The following WWOX variants were observed in gnomAD, a reference collection of about 807,000 sequenced individuals.
WWOX encodes WW domain containing oxidoreductase, also known as WW domain-containing oxidoreductase.
In WWOX, 69 loss-of-function variants were observed where a neutral mutation model predicts 46.2. That is an observed-to-expected ratio of 1.49 (90% CI 1.23 to 1.82). The LOEUF (loss-of-function observed/expected upper bound fraction) is 1.82. Among genes scored for constraint, WWOX ranks in the 40% most tolerant of loss-of-function variants. The pLI, the probability that WWOX is intolerant of heterozygous loss-of-function variation, is 0.00. For synonymous variants in WWOX, 359 were observed against 202.6 expected, an observed-to-expected ratio of 1.77 and a Z score of -6.56; for missense variants, 919 against 542.6, an observed-to-expected ratio of 1.69 and a Z score of -6.89.
intron 8 of WWOX, among the ~76,000 whole-genome samples, chr16:78,621,385 C>T (rs915927665): frequency 2.6e-5 from 4 of 152,120 alleles, no homozygotes; most frequent in East Asian, 3.9e-4. Flanking sequence ...CTTACCTCCT[C>T]ATCCTCACCC....
intron 8 of WWOX, among the ~76,000 whole-genome samples, chr16:79,034,477 G>A (rs1476745888): frequency 2.6e-5 from 4 of 152,134 alleles, no homozygotes; most frequent in African/African-American, 9.7e-5. Context: ...TGCATCTTTT[G>A]GGGGCTCTGT....
At chr16:79,152,078 T>G (rs936614158) in intron 8 of WWOX, among the ~76,000 whole-genome samples, 10 of 152,220 alleles carry the variant, frequency 6.6e-5, no homozygotes, top group Non-Finnish European at 1.3e-4. Flanking sequence ...TTGTTAAATT[T>G]CCTCTAATAC....
Position 79,022,966 on chromosome 16 carries a change from G to A in WWOX, c.1057-188642G>A, listed in dbSNP as rs184633596. On this transcript the variant is annotated intron_variant, in intron 8 of 8. Coordinates refer to ENST00000566780, the MANE Select transcript of WWOX (RefSeq NM_016373.4). ...TAATACCTATGGCATAGGGTTTGGG[G>A]AGGATTAAATAAGATAATGTAAATA... Among the ~76,000 whole-genome samples, 5 of 152,250 alleles carry A rather than the reference G, an allele frequency of 3.3e-5. No individual in the cohort carries two copies. The East Asian group carries it at 7.7e-4, about 24-fold the overall frequency.
At chr16:79,028,756 T>G (rs2047695681) in intron 8 of WWOX, among the ~76,000 whole-genome samples, 1 of 151,866 alleles carries the variant, frequency 6.6e-6, no homozygotes, top group South Asian at 2.1e-4. Flanking sequence ...TATAATTTAT[T>G]TTCTTTACAT....
chr16:78,845,415 A>T (rs747957765), intron 8 of WWOX, among the ~76,000 whole-genome samples: 6 of 152,184 alleles, frequency 3.9e-5, no homozygotes, highest in Non-Finnish European at 7.3e-5. Context: ...AACCCTTTTT[A>T]GGAGCGGCCT....
At chr16:78,602,833 A>C (rs1400116021) in intron 8 of WWOX, among the ~76,000 whole-genome samples, 1 of 152,206 alleles carries the variant, frequency 6.6e-6, no homozygotes, top group Non-Finnish European at 1.5e-5. Flanking sequence ...TCCATTTTAC[A>C]GATAAGAAAA....
chr16:78,578,987 C>T (rs146180127), intron 8 of WWOX, among the ~76,000 whole-genome samples: 8 of 152,330 alleles, frequency 5.3e-5, no homozygotes, highest in African/African-American at 1.4e-4. Context: ...ACAAAAGAGG[C>T]AGTAACATTA....
At chr16:78,946,730 A>C (rs976458104) in intron 8 of WWOX, among the ~76,000 whole-genome samples, 1 of 151,968 alleles carries the variant, frequency 6.6e-6, no homozygotes, top group South Asian at 2.1e-4. Context: ...GTTGAGAGTC[A>C]TGCGGGCCAT....
At chr16:79,098,924 G>C (rs2049133317) in intron 8 of WWOX, among the ~76,000 whole-genome samples, 2 of 152,146 alleles carry the variant, frequency 1.3e-5, no homozygotes, top group South Asian at 2.1e-4. Context: ...CAAAATACCT[G>C]AGACTGGGTA....
At chr16:78,670,624 G>A (rs2047438120) in intron 8 of WWOX, among the ~76,000 whole-genome samples, 1 of 151,898 alleles carries the variant, frequency 6.6e-6, no homozygotes, top group Non-Finnish European at 1.5e-5. Context: ...GTGTCTATCT[G>A]GAACCTCAGA....
At chr16:78,500,368 C>T (rs929242397) in intron 8 of WWOX, among the ~76,000 whole-genome samples, 3 of 151,374 alleles carry the variant, frequency 2.0e-5, no homozygotes, top group African/African-American at 7.3e-5. Context: ...ATACAGCCAA[C>T]ATTTTTGCAT....
chr16:78,807,419 A>G (rs866978158), intron 8 of WWOX, among the ~76,000 whole-genome samples: 1 of 152,258 alleles, frequency 6.6e-6, no homozygotes, highest in Admixed American at 6.5e-5. Context: ...TTGATGTTTT[A>G]TGATTGTTTT....
chr16:78,282,434 C>G (rs191991174), intron 5 of WWOX, among the ~76,000 whole-genome samples: 1 of 152,290 alleles, frequency 6.6e-6, no homozygotes, highest in African/African-American at 2.4e-5. Context: ...GTAAATTGCA[C>G]TGCATTAAGA....
chr16:79,049,326 G>A (rs1162855970), intron 8 of WWOX, among the ~76,000 whole-genome samples: 1 of 152,192 alleles, frequency 6.6e-6, no homozygotes, highest in Non-Finnish European at 1.5e-5. Context: ...GCACGTGCCC[G>A]CTCTTTCACA....
chr16:78,594,171 A>G (rs2045420494), intron 8 of WWOX, among the ~76,000 whole-genome samples: 1 of 149,862 alleles, frequency 6.7e-6, no homozygotes, highest in Admixed American at 6.6e-5. Context: ...CCTCTGCTTT[A>G]TCTCTTGGAA....
chr16:79,190,581 A>G lies in WWOX; in HGVS notation c.1057-21027A>G, dbSNP rs540965305. Among the ~76,000 whole-genome samples the G allele has an allele frequency of 1.2e-4, 19 of 152,300 alleles. No individual in the cohort carries two copies. The South Asian group carries it at 2.7e-3, about 22-fold the overall frequency. On this transcript the variant is annotated intron_variant, in intron 8 of 8. Coordinates refer to ENST00000566780, the MANE Select transcript of WWOX (RefSeq NM_016373.4). ...TTAAACTGGCACGACAGTTCAGTCAAATGTCAAGTCCATTTTGTCAAGGGA... is the reference window on the plus strand; with the variant it reads ...TTAAACTGGCACGACAGTTCAGTCAGATGTCAAGTCCATTTTGTCAAGGGA...
At chr16:78,531,513 C>G (rs1011687376) in intron 8 of WWOX, among the ~76,000 whole-genome samples, 15 of 152,064 alleles carry the variant, frequency 9.9e-5, no homozygotes, top group African/African-American at 1.9e-4. Flanking sequence ...CTTTTAGTTT[C>G]TCTTACATGT....
chr16:79,080,241 T>C lies in WWOX; in HGVS notation c.1057-131367T>C, dbSNP rs547856244. Among the ~76,000 whole-genome samples, 11 of 152,320 alleles carry C rather than the reference T, an allele frequency of 7.2e-5. No homozygotes were observed. The East Asian group carries it at 2.1e-3, about 29-fold the overall frequency. ...GCCTTGGGAGGGGTGACACTAGCGA[T>C]AGAGACAGAAACCCACACAGGAGTC... On this transcript the variant is annotated intron_variant, in intron 8 of 8. Coordinates refer to ENST00000566780, the MANE Select transcript of WWOX (RefSeq NM_016373.4).
intron 8 of WWOX, among the ~76,000 whole-genome samples, chr16:78,788,907 C>A (rs907617778): frequency 6.6e-6 from 1 of 152,326 alleles, no homozygotes; most frequent in East Asian, 1.9e-4. Flanking sequence ...CTGCTGTCCC[C>A]TGCTTAGTAT....
Sources: allele counts gnomAD v4.1 joint callset (sites outside exome capture counted in the v4.1 genomes callset), GRCh38; gene constraint gnomAD v4.1.1; transcripts MANE v1.5; gene names NCBI Gene and HGNC (gene_info 2026-07-23, HGNC 2026-07-21).